The following PMPCB variants were observed in gnomAD, a reference collection of about 807,000 sequenced individuals.
PMPCB encodes peptidase, mitochondrial processing subunit beta.
In PMPCB, 46 loss-of-function variants were observed where a neutral mutation model predicts 61.5. That is an observed-to-expected ratio of 0.75 (90% CI 0.59 to 0.96). The LOEUF is 0.96. PMPCB is among the 40% of genes least tolerant of loss of function. PMPCB has a pLI of 0.00. For synonymous variants in PMPCB, 191 were observed against 201.6 expected (o/e 0.95, Z 0.44); for missense variants, 590 against 602.4 (o/e 0.98, Z 0.22).
chr7:103,328,953 T>C (rs745927515), exon 13 of PMPCB: 6 of 1,239,796 alleles, frequency 4.8e-6, no homozygotes, highest in South Asian at 1.3e-5. Flanking sequence ...GAAGTGAACT[T>C]CATGAATGGA....
downstream of PMPCB, chr7:103,315,624 C>A (rs961602015): frequency 4.9e-5 from 28 of 573,936 alleles, no homozygotes; most frequent in Middle Eastern, 3.8e-4. Context: ...AATCTTTGCC[C>A]TGGAAATGTT....
chr7:103,323,808 G>T (rs1294278144), intron 12 of PMPCB: 1 of 631,264 alleles, frequency 1.6e-6, no homozygotes, highest in Non-Finnish European at 2.3e-6. Context: ...CCTTTTTTAA[G>T]GACATTGCAT....
chr7:103,338,263 CTGTCTT>C, the PMPCB span, among the ~76,000 whole-genome samples: 1 of 140,294 alleles, frequency 7.1e-6, no homozygotes, highest in African/African-American at 3.0e-5. Flanking sequence ...GAGCAAGACC[CTGTCTT>C]TTTTTTTTTT....
rs149070486 is a variant in PMPCB at position 103,322,932 on chromosome 7, GA to G, written c.*1432-5998del. ...TGTGTCATTACTAACATTAAACAATGATTTTTTTTTTTTTGAGACAGACTTT... is the reference window on the plus strand; with the variant it reads ...TGTGTCATTACTAACATTAAACAATGTTTTTTTTTTTTTGAGACAGACTTT... On this transcript the variant is annotated intron_variant and NMD_transcript_variant, in intron 12 of 12. Coordinates refer to the PMPCB transcript ENST00000444457. 1,698 of 736,056 alleles carry G rather than the reference GA, an allele frequency of 2.3e-3. 16 individuals carry two copies. The African/African-American group carries it at 0.027, about 12-fold the overall frequency. The allele number at this position is 736,056 out of a possible 1,614,324, so 45.6% of individuals were successfully genotyped here. A position where few individuals can be genotyped will look rare whatever the true frequency, so the allele number is the denominator to read the frequency against.
chr7:103,310,478 G>A lies in PMPCB; in HGVS notation c.1154+3G>A, dbSNP rs1817707091. On this transcript the variant is annotated splice_donor_region_variant and intron_variant, in intron 9 of 12. Transcript: ENST00000249269. ...CTACATGTTGTTCAAAAAGAATGGT[G>A]AGAAAAATAGCTTTAAGTAATTTAA... 1 of 1,590,948 alleles carries A rather than the reference G, an allele frequency of 6.3e-7. No individual in the cohort carries two copies. Among genetic ancestry groups the A allele is most frequent in the South Asian group, 1.2e-5 (1 of 85,620 alleles).
chr7:103,344,796 T>C, the PMPCB span: 5 of 650,552 alleles, frequency 7.7e-6, no homozygotes, highest in Admixed American at 7.8e-5. Flanking sequence ...TCTTTCGTGG[T>C]GTGGAGGCCA....
chr7:103,315,971 G>T, downstream of PMPCB: 1 of 1,576,300 alleles, frequency 6.3e-7, no homozygotes, highest in Non-Finnish European at 8.6e-7. Flanking sequence ...GTAACAAATG[G>T]ACTTCTCAAA....
chr7:103,324,694 C>G, intron 12 of PMPCB: 1 of 912,898 alleles, frequency 1.1e-6, no homozygotes, highest in East Asian at 3.8e-5. Flanking sequence ...AACTCTACAA[C>G]TCGAAGATGG....
At chr7:103,308,898 C>T in intron 7 of PMPCB, 54 bp from the exon 8 acceptor site, 1 of 1,383,020 alleles carries the variant, frequency 7.2e-7, no homozygotes, top group Non-Finnish European at 9.6e-7. Flanking sequence ...TGTTAATAAG[C>T]ATGTTATATA....
At chr7:103,344,934 T>G in the PMPCB span, 1 of 551,086 alleles carries the variant, frequency 1.8e-6, no homozygotes, top group East Asian at 3.0e-5. Flanking sequence ...TAAAAAGGAT[T>G]ATATTCCACG....
chr7:103,317,590 AATG>A (rs765128286), downstream of PMPCB, among the ~76,000 whole-genome samples: 4 of 152,236 alleles, frequency 2.6e-5, no homozygotes, highest in Admixed American at 1.3e-4. Context: ...AAGTCCCAAT[AATG>A]CTAACCTTGA....
intron 1 of PMPCB, 44 bp downstream of exon 1, chr7:103,297,602 G>C: frequency 6.2e-7 from 1 of 1,609,910 alleles, no homozygotes; most frequent in Non-Finnish European, 8.5e-7. Flanking sequence ...GATCTCGCCA[G>C]ACCCGGCGCA....
chr7:103,344,841 GT>G, the PMPCB span: 2 of 603,952 alleles, frequency 3.3e-6, no homozygotes, highest in Non-Finnish European at 5.9e-6. Context: ...AACGTGTGCG[GT>G]AACCTAGTTC....
rs1817885275 is a variant in PMPCB, at chr7:103,313,685, G to C, written c.*1414G>C. ...TCTTCGTCACATCTGCTAAAATCTTGGGAGCCGATGCTGAACACTTCCAAT... is the reference window on the plus strand; with the variant it reads ...TCTTCGTCACATCTGCTAAAATCTTCGGAGCCGATGCTGAACACTTCCAAT... On this transcript the variant is annotated 3_prime_UTR_variant, in exon 13 of 13. Transcript: ENST00000249269. 1 of 985,278 alleles carries C rather than the reference G, an allele frequency of 1.0e-6. No individual in the cohort carries two copies. Among genetic ancestry groups the C allele is most frequent in the African/African-American group, 1.7e-5 (1 of 57,224 alleles). The allele number at this position is 985,278 out of a possible 1,614,324, so 61.0% of individuals were successfully genotyped here.
intron 8 of PMPCB, 105 bp from the exon 9 acceptor site, chr7:103,310,210 A>AT: frequency 1.2e-6 from 1 of 803,150 alleles, no homozygotes; most frequent in Non-Finnish European, 2.0e-6. Context: ...TAAAACTAGG[A>AT]AACAGCCTCT....
At chr7:103,329,096 T>C (rs1456679870) in exon 13 of PMPCB, 1 of 753,384 alleles carries the variant, frequency 1.3e-6, no homozygotes, top group South Asian at 1.7e-5. Context: ...ACAATTTTTT[T>C]GTTTTTCATC....
rs1817906127 is a variant in PMPCB, at chr7:103,314,020, A to G, written c.*1749A>G. 1.0e-6 allele frequency: 1 copy of G among 985,302 alleles called. No individual in the cohort carries two copies. Among genetic ancestry groups the G allele is most frequent in the South Asian group, 4.7e-5 (1 of 21,292 alleles). The allele number at this position is 985,302 out of a possible 1,614,324, so 61.0% of individuals were successfully genotyped here. On this transcript the variant is annotated 3_prime_UTR_variant, in exon 13 of 13. Transcript: ENST00000249269. The stretch of plus-strand genomic sequence containing the variant: ...AACCAAAGTTCCTTCCCAATTAAAG[A>G]AGGAAAAACAAAACAAAACAAAACA...
intron 8 of PMPCB, 94 bp from the exon 9 acceptor site, chr7:103,310,221 A>T (rs1463019015): frequency 1.1e-6 from 1 of 876,112 alleles, no homozygotes; most frequent in Non-Finnish European, 1.8e-6. Flanking sequence ...AACAGCCTCT[A>T]AGGATATTCA....
the PMPCB span, chr7:103,341,734 G>T: frequency 6.7e-7 from 1 of 1,502,972 alleles, no homozygotes; most frequent in South Asian, 1.4e-5. Context: ...CAAAGCATCT[G>T]ACTGAACAAA....
Sources: allele counts gnomAD v4.1 joint callset (sites outside exome capture counted in the v4.1 genomes callset), GRCh38; gene constraint gnomAD v4.1.1; transcripts MANE v1.5; gene names NCBI Gene and HGNC (gene_info 2026-07-23, HGNC 2026-07-21).